The following GLI2 variants were observed in gnomAD, a reference collection of about 807,000 sequenced individuals.
The protein encoded by GLI2 is transcription activator GLI2.
In GLI2, 22 loss-of-function variants were observed where a neutral mutation model predicts 78.9. That is an observed-to-expected ratio of 0.28 (90% CI 0.20 to 0.40). The LOEUF (loss-of-function observed/expected upper bound fraction) is 0.40, where lower values mean the gene tolerates loss of function less well. Among genes scored for constraint, GLI2 ranks in the 10% least tolerant of loss-of-function variants. The pLI, the probability that GLI2 is intolerant of heterozygous loss-of-function variation, is 1.00. For synonymous variants in GLI2, 974 were observed against 963.7 expected (o/e 1.01, Z -0.20); for missense variants, 2,097 against 2,213.2 (o/e 0.95, Z 1.05).
rs1033173451 is a variant in GLI2 at position 120,972,921 on chromosome 2, G to A, written c.1182+858G>A. Among the ~76,000 whole-genome samples the A allele has an allele frequency of 2.0e-5, 3 of 152,158 alleles. No individual in the cohort carries two copies. In the South Asian group the frequency reaches 6.2e-4, roughly 32 times the overall value. The stretch of plus-strand genomic sequence containing the variant: ...CACTCTGGGAGCAGGGGCCTGTCTT[G>A]TAAAGGGCATGCCGTGCCTGTTGAC... On this transcript the variant is annotated intron_variant, in intron 8 of 13. Transcript: ENST00000361492.
chr2:120,951,607 G>T, intron 4 of GLI2, 162 bp downstream of exon 4: 1 of 586,270 alleles, frequency 1.7e-6, no homozygotes. Flanking sequence ...ACAAGTTTTT[G>T]GGTTTTATGC....
At chr2:120,789,021 A>C (rs1573379265) in intron 1 of GLI2, among the ~76,000 whole-genome samples, 2 of 142,394 alleles carry the variant, frequency 1.4e-5, no homozygotes, top group South Asian at 2.2e-4. Context: ...CTTATCACTT[A>C]TTTCTTTCTT....
rs567471200 is a variant in GLI2 at position 120,781,702 on chromosome 2, G to A, written c.-30-15589G>A. On this transcript the variant is annotated intron_variant, in intron 1 of 13. Coordinates refer to ENST00000361492, the MANE Select transcript of GLI2 (RefSeq NM_001374353.1). The stretch of plus-strand genomic sequence containing the variant: ...GTTTGAGACCAGCCTGGCCAACATG[G>A]GGAAACCCCGTCTCTACTAAAAATA... 2.0e-5 allele frequency among the ~76,000 whole-genome samples: 3 copies of A among 152,248 alleles called. No individual in the cohort carries two copies. In the East Asian group the frequency reaches 5.8e-4, roughly 29 times the overall value.
chr2:120,909,383 G>T (rs1678701712), intron 2 of GLI2, among the ~76,000 whole-genome samples: 1 of 152,000 alleles, frequency 6.6e-6, no homozygotes, highest in South Asian at 2.1e-4. Flanking sequence ...CCTACCCCAT[G>T]CCAGCTTCCT....
chr2:120,875,516 A>C (rs528503905), intron 2 of GLI2, among the ~76,000 whole-genome samples: 2 of 152,354 alleles, frequency 1.3e-5, no homozygotes, highest in South Asian at 4.1e-4. Flanking sequence ...GGAGAGTTAC[A>C]GTAGACACAG....
intron 2 of GLI2, among the ~76,000 whole-genome samples, chr2:120,870,055 T>C (rs1688349467): frequency 6.6e-6 from 1 of 152,080 alleles, no homozygotes; most frequent in Non-Finnish European, 1.5e-5. Flanking sequence ...TAAAGCAAAG[T>C]TTTTCAAAAG....
Position 120,989,089 on chromosome 2 carries a change from G to C in GLI2, c.3124G>C (p.Asp1042His), listed in dbSNP as rs762818312. ...PEADLGLPED[D>H]LVLPDDVVQY... ...GGCCGACCTGGGGCTGCCGGAGGAC[G>C]ACCTGGTGCTTCCAGACGACGTGGT... The change falls in exon 14 of 14, where the codon GAC becomes CAC. Residue 1042 changes from aspartate (D) to histidine (H), a missense_variant. Physicochemically the swap from Asp to His is moderately conservative, Grantham distance 81. This residue lies in a region of GLI2 where 1,290 missense variants were observed against 1,261.7 expected (regional missense o/e 1.02). Transcript: ENST00000361492. 5.6e-6 allele frequency: 9 copies of C among 1,612,160 alleles called. No homozygotes were observed. In the African/African-American group the frequency reaches 1.1e-4, roughly 19 times the overall value.
At chr2:120,843,265 C>T (rs996600152) in intron 2 of GLI2, among the ~76,000 whole-genome samples, 1 of 152,220 alleles carries the variant, frequency 6.6e-6, no homozygotes, top group Non-Finnish European at 1.5e-5. Context: ...ACTTTGCAGA[C>T]ACCTTTGGCT....
At chr2:120,913,853 C>T (rs1678954409) in intron 2 of GLI2, among the ~76,000 whole-genome samples, 1 of 152,206 alleles carries the variant, frequency 6.6e-6, no homozygotes. Context: ...CTTGGCTCAG[C>T]CTGGGAAACC....
chr2:120,951,459 G>A lies in GLI2; in HGVS notation c.457+14G>A. The A allele has an allele frequency of 1.3e-6, 2 of 1,579,416 alleles. No homozygotes were observed. Among genetic ancestry groups the A allele is most frequent in the Middle Eastern group, 1.7e-4 (1 of 5,920 alleles). ...GCCCCGCTGATGGTGAGTAGGGTGT[G>A]GGGATGGGGAGGGGCAGCTAGGGCA... On this transcript the variant is annotated intron_variant, in intron 4 of 13. Coordinates refer to ENST00000361492, the MANE Select transcript of GLI2 (RefSeq NM_001374353.1).
At chr2:120,777,970 G>C (rs942808896) in intron 1 of GLI2, among the ~76,000 whole-genome samples, 2 of 152,100 alleles carry the variant, frequency 1.3e-5, no homozygotes, top group African/African-American at 2.4e-5. Flanking sequence ...AGGCCATGGG[G>C]GGCAGGCAGC....
At chr2:120,850,553 A>T (rs1687355299) in intron 2 of GLI2, among the ~76,000 whole-genome samples, 2 of 152,212 alleles carry the variant, frequency 1.3e-5, no homozygotes, top group Non-Finnish European at 2.9e-5. Flanking sequence ...TTACTTAAGG[A>T]TTCTCTCTTA....
chr2:120,803,894 G>T (rs566960984), intron 2 of GLI2, among the ~76,000 whole-genome samples: 10 of 152,320 alleles, frequency 6.6e-5, no homozygotes, highest in Admixed American at 2.6e-4. Flanking sequence ...GAGTCTCAGG[G>T]GGGGAGACTA....
chr2:120,961,914 GC>G (rs1681582769), intron 5 of GLI2, among the ~76,000 whole-genome samples: 1 of 152,134 alleles, frequency 6.6e-6, no homozygotes, highest in Non-Finnish European at 1.5e-5. Context: ...AAATAACCCA[GC>G]CCCGGGCTGA....
intron 2 of GLI2, among the ~76,000 whole-genome samples, chr2:120,894,843 C>T (rs1015736933): frequency 5.3e-5 from 8 of 152,178 alleles, no homozygotes; most frequent in Non-Finnish European, 8.8e-5. Context: ...GGACTACAGG[C>T]GCCTGCCACC....
At chr2:120,792,619 A>ATTAT (rs1179851234) in intron 1 of GLI2, among the ~76,000 whole-genome samples, 41 of 152,078 alleles carry the variant, frequency 2.7e-4, no homozygotes, top group African/African-American at 7.7e-4. Context: ...GAACTTGTAG[A>ATTAT]TTATTTATTT....
In GLI2 at chr2:120,737,258, A is replaced by T. The variant is rs933209156; in HGVS notation, c.-31+973A>T. On this transcript the variant is annotated intron_variant, in intron 1 of 13. Transcript: ENST00000361492. The surrounding 1 kb of genome is among the most constrained non-coding windows in gnomAD (Gnocchi z 4.3). ...TGTGAGCGCGCCCGCCGCGCTGGAG[A>T]GCTGGGAGTCCACCCAGCTCGGCGC... Among the ~76,000 whole-genome samples, 2 of 151,608 alleles carry T rather than the reference A, an allele frequency of 1.3e-5. No homozygotes were observed. Among genetic ancestry groups the T allele is most frequent in the African/African-American group, 2.4e-5 (1 of 41,210 alleles).
At chr2:120,748,699 C>T (rs981626477) in intron 1 of GLI2, among the ~76,000 whole-genome samples, 3 of 152,204 alleles carry the variant, frequency 2.0e-5, no homozygotes, top group Non-Finnish European at 2.9e-5. Flanking sequence ...GATTGATCAT[C>T]AGCTTTGCCT....
chr2:120,767,414 G>A (rs1386205964), intron 1 of GLI2, among the ~76,000 whole-genome samples: 5 of 152,164 alleles, frequency 3.3e-5, no homozygotes, highest in African/African-American at 9.7e-5. Context: ...ATTCACGCTC[G>A]GCCTCTGAGG....
Sources: allele counts gnomAD v4.1 joint callset (sites outside exome capture counted in the v4.1 genomes callset), GRCh38; gene constraint gnomAD v4.1.1; regional missense constraint gnomAD v4.1.1; non-coding constraint Gnocchi (gnomAD v3.1); transcripts MANE v1.5; gene names NCBI Gene and HGNC (gene_info 2026-07-23, HGNC 2026-07-21).